ANAPC10: variants seen among roughly 807,000 people sequenced by gnomAD.
The protein encoded by ANAPC10 is anaphase promoting complex subunit 10.
Under a neutral mutation model 22.0 loss-of-function variants are expected in ANAPC10, and 12 were observed. That is an observed-to-expected ratio of 0.55 (90% CI 0.35 to 0.88). The LOEUF (loss-of-function observed/expected upper bound fraction) is 0.88, where lower values mean the gene tolerates loss of function less well. ANAPC10 is among the 40% of genes least tolerant of loss of function. The pLI is 0.01. For synonymous variants in ANAPC10, 65 were observed against 69.5 expected (o/e 0.94, Z 0.32); for missense variants, 188 against 220.9 (o/e 0.85, Z 0.94).
chr4:144,996,097 C>G (rs1478985183), intron 4 of ANAPC10, among the ~76,000 whole-genome samples: 1 of 152,094 alleles, frequency 6.6e-6, no homozygotes, highest in African/African-American at 2.4e-5. Context: ...CGACAGGGTT[C>G]GAGGTAGCTT....
At chr4:145,096,312 C>A (rs951095959) in intron 1 of ANAPC10, among the ~76,000 whole-genome samples, 1 of 152,082 alleles carries the variant, frequency 6.6e-6, no homozygotes, top group Admixed American at 6.6e-5. Context: ...AATCCCAACA[C>A]TTTGGGAGGC....
At position 144,995,104 on chromosome 4, in the gene ANAPC10, A is replaced by G; in HGVS notation, c.*269T>C. The G allele has an allele frequency of 4.2e-6, 1 of 237,504 alleles. No individual in the cohort carries two copies. Among genetic ancestry groups the G allele is most frequent in the South Asian group, 9.1e-5 (1 of 11,000 alleles). 14.7% of individuals were successfully genotyped at this position (237,504 alleles called of 1,614,324 possible). On this transcript the variant is annotated 3_prime_UTR_variant, in exon 5 of 5. Transcript: ENST00000507656. ...AGTTCAACTCTTTTCTTTTGATACA[A>G]GGAACTCTTTTCTTTTGATACAAGG... is the stretch of plus-strand genomic sequence containing the variant.
intron 2 of ANAPC10, among the ~76,000 whole-genome samples, chr4:145,093,282 C>T (rs1203180587): frequency 6.6e-6 from 1 of 152,134 alleles, no homozygotes; most frequent in African/African-American, 2.4e-5. Context: ...CTGTGAGACA[C>T]TGAAGGTAAC....
chr4:145,052,836 C>T (rs146437098), intron 4 of ANAPC10, among the ~76,000 whole-genome samples: 78 of 148,214 alleles, frequency 5.3e-4, no homozygotes, highest in Non-Finnish European at 5.8e-4. Flanking sequence ...TGCAGTGAGC[C>T]GAGATTGCAC....
chr4:145,039,517 T>C (rs1211377689), intron 4 of ANAPC10, among the ~76,000 whole-genome samples: 1 of 152,226 alleles, frequency 6.6e-6, no homozygotes, highest in Admixed American at 6.5e-5. Flanking sequence ...TTGGAAGCAC[T>C]TTTTCTTTGG....
intron 3 of ANAPC10, among the ~76,000 whole-genome samples, chr4:145,070,303 A>G (rs1216713648): frequency 1.3e-5 from 2 of 152,234 alleles, no homozygotes; most frequent in Non-Finnish European, 2.9e-5. Flanking sequence ...CAGGACATAT[A>G]AAGAAGTCTT....
intron 4 of ANAPC10, among the ~76,000 whole-genome samples, chr4:145,013,204 A>G (rs1239368984): frequency 6.6e-6 from 1 of 152,196 alleles, no homozygotes; most frequent in Non-Finnish European, 1.5e-5. Context: ...AGAGGCCTGC[A>G]TAATTTTTGT....
intron 4 of ANAPC10, among the ~76,000 whole-genome samples, chr4:145,000,174 G>C (rs1398766442): frequency 6.6e-6 from 1 of 152,074 alleles, no homozygotes; most frequent in East Asian, 1.9e-4. Context: ...ACCAAAAGCA[G>C]TGGCAACAAA....
At chr4:145,061,640 T>C (rs1489447871) in intron 4 of ANAPC10, among the ~76,000 whole-genome samples, 1 of 152,218 alleles carries the variant, frequency 6.6e-6, no homozygotes, top group African/African-American at 2.4e-5. Context: ...AATCTTTAGT[T>C]ATAAATCAAA....
At chr4:145,040,736 G>A (rs1579005732) in intron 4 of ANAPC10, among the ~76,000 whole-genome samples, 1 of 152,078 alleles carries the variant, frequency 6.6e-6, no homozygotes, top group Non-Finnish European at 1.5e-5. Context: ...CTTAAAGTAT[G>A]TATGTATGCC....
At chr4:145,001,986 T>C (rs1184864374) in intron 4 of ANAPC10, among the ~76,000 whole-genome samples, 1 of 152,176 alleles carries the variant, frequency 6.6e-6, no homozygotes, top group South Asian at 2.1e-4. Flanking sequence ...TTTACATGTC[T>C]TCCTACTGCC....
In ANAPC10 at chr4:145,026,920, C is replaced by CATATATACATAT. The variant is rs1203858529; in HGVS notation, c.328-31318_328-31317insATATGTATATAT. On this transcript the variant is annotated intron_variant, in intron 4 of 4. Transcript: ENST00000507656. ...CAAATGAAGTTTTTGCCTATACATA[C>CATATATACATAT]ATATATATATATATATATATATATA... is the stretch of plus-strand genomic sequence containing the variant. Among the ~76,000 whole-genome samples the CATATATACATAT allele has an allele frequency of 3.4e-3, 57 of 17,012 alleles. 6 individuals carry two copies. Among genetic ancestry groups the CATATATACATAT allele is most frequent in the South Asian group, 0.027 (5 of 182 alleles). 11.2% of individuals were successfully genotyped at this position (17,012 alleles called of 152,430 possible).
intron 3 of ANAPC10, among the ~76,000 whole-genome samples, chr4:145,078,207 T>C (rs950529628): frequency 1.3e-5 from 2 of 151,654 alleles, no homozygotes; most frequent in African/African-American, 2.4e-5. Flanking sequence ...CAAAAATCAA[T>C]AGCATTTCTA....
At chr4:145,084,161 C>A (rs1263438796) in intron 2 of ANAPC10, among the ~76,000 whole-genome samples, 1 of 152,138 alleles carries the variant, frequency 6.6e-6, no homozygotes, top group Non-Finnish European at 1.5e-5. Flanking sequence ...AACACTATGT[C>A]TGTTCCACGT....
rs1031200950 is a variant in ANAPC10, at chr4:145,018,668, T to A, written c.328-23065A>T. 3.4e-4 allele frequency among the ~76,000 whole-genome samples: 51 copies of A among 150,064 alleles called. 1 individual carries two copies. The East Asian group carries it at 8.5e-3, about 25-fold the overall frequency. ...TCGAAATCTAAAAAAAAAAAAAAAA[T>A]TTCACCAACCAATTGTCTGCCACCT... On this transcript the variant is annotated intron_variant, in intron 4 of 4. Transcript: ENST00000507656.
chr4:145,050,630 CA>C (rs976884846), intron 4 of ANAPC10, among the ~76,000 whole-genome samples: 11 of 152,288 alleles, frequency 7.2e-5, no homozygotes, highest in African/African-American at 2.6e-4. Flanking sequence ...CTATTTTAGC[CA>C]GATCTTCTGG....
intron 2 of ANAPC10, among the ~76,000 whole-genome samples, chr4:145,083,436 G>C (rs1746388711): frequency 6.6e-6 from 1 of 152,062 alleles, no homozygotes; most frequent in African/African-American, 2.4e-5. Context: ...GTTATTTCTA[G>C]AGAATAGATT....
chr4:145,006,732 T>C (rs961797846), intron 4 of ANAPC10, among the ~76,000 whole-genome samples: 1 of 152,156 alleles, frequency 6.6e-6, no homozygotes, highest in Non-Finnish European at 1.5e-5. Flanking sequence ...TGGGATCCTT[T>C]TCAGTTTGAA....
chr4:145,067,530 T>G (rs978688593), intron 3 of ANAPC10, among the ~76,000 whole-genome samples: 1 of 152,184 alleles, frequency 6.6e-6, no homozygotes, highest in African/African-American at 2.4e-5. Context: ...TAGAGGCACA[T>G]GCTACCTGGT....
Sources: allele counts gnomAD v4.1 joint callset (sites outside exome capture counted in the v4.1 genomes callset), GRCh38; gene constraint gnomAD v4.1.1; transcripts MANE v1.5; gene names NCBI Gene and HGNC (gene_info 2026-07-23, HGNC 2026-07-21).